Variants in CFAP20DC observed in about 807,000 individuals in gnomAD.
CFAP20DC encodes the protein CFAP20 domain containing.
CFAP20DC carries 84 observed loss-of-function variants against 101.7 expected under a neutral mutation model. The observed-to-expected ratio is 0.83, with a 90% CI of 0.69 to 0.99. CFAP20DC has a LOEUF of 0.99. Ranked by LOEUF, CFAP20DC falls within the 50% of genes least tolerant of loss-of-function variation. CFAP20DC has a pLI of 0.00. For missense variants in CFAP20DC, 1,007 were observed against 970.3 expected (o/e 1.04, Z -0.50); for synonymous variants, 359 against 351.2 (o/e 1.02, Z -0.25).
intron 4 of CFAP20DC, among the ~76,000 whole-genome samples, chr3:58,956,902 C>T (rs1246894415): frequency 6.6e-6 from 1 of 152,150 alleles, no homozygotes; most frequent in Non-Finnish European, 1.5e-5. Flanking sequence ...CGTGAGAACT[C>T]ACTATCACGA....
intron 15 of CFAP20DC, among the ~76,000 whole-genome samples, chr3:58,764,755 G>T (rs536369597): frequency 6.6e-6 from 1 of 152,194 alleles, no homozygotes; most frequent in East Asian, 1.9e-4. Flanking sequence ...CATCCTTTCA[G>T]TCAGGCCTTC....
chr3:59,042,935 T>G (rs373591207), intron 3 of CFAP20DC, among the ~76,000 whole-genome samples: 2 of 152,146 alleles, frequency 1.3e-5, no homozygotes, highest in Non-Finnish European at 1.5e-5. Flanking sequence ...TTAAAAGCTT[T>G]TTTTCTAAGC....
chr3:58,883,238 C>A (rs2081356603), intron 7 of CFAP20DC, among the ~76,000 whole-genome samples: 1 of 152,218 alleles, frequency 6.6e-6, no homozygotes, highest in Non-Finnish European at 1.5e-5. Context: ...TTTCCACTTT[C>A]AAAGCTACTG....
chr3:58,960,609 T>C (rs1356915344), intron 4 of CFAP20DC, among the ~76,000 whole-genome samples: 1 of 152,184 alleles, frequency 6.6e-6, no homozygotes, highest in Admixed American at 6.5e-5. Context: ...ATGCAATCAT[T>C]TCTGCATATA....
At chr3:58,877,145 A>G (rs562986004) in intron 7 of CFAP20DC, among the ~76,000 whole-genome samples, 119 of 152,292 alleles carry the variant, frequency 7.8e-4, no homozygotes, top group African/African-American at 2.7e-3. Flanking sequence ...AATAGTATTT[A>G]ACAGTTTAGT....
At chr3:58,877,549 A>T (rs1033696587) in intron 7 of CFAP20DC, among the ~76,000 whole-genome samples, 2 of 152,230 alleles carry the variant, frequency 1.3e-5, no homozygotes, top group African/African-American at 4.8e-5. Flanking sequence ...CTGCAGAAGA[A>T]GAAACTGAGG....
At chr3:58,808,759 C>T (rs1443907385) in intron 14 of CFAP20DC, among the ~76,000 whole-genome samples, 2 of 152,132 alleles carry the variant, frequency 1.3e-5, no homozygotes, top group African/African-American at 4.8e-5. Context: ...AATTAAAAGA[C>T]ACAGACTGGC....
chr3:58,767,596 G>C (rs1184186258), intron 15 of CFAP20DC, among the ~76,000 whole-genome samples: 1 of 152,124 alleles, frequency 6.6e-6, no homozygotes, highest in Non-Finnish European at 1.5e-5. Context: ...GTCTTGCTAT[G>C]TTTCCCAGCC....
chr3:58,768,890 A>G (rs564547593), intron 15 of CFAP20DC, among the ~76,000 whole-genome samples: 4 of 152,270 alleles, frequency 2.6e-5, no homozygotes, highest in Admixed American at 2.0e-4. Context: ...TTCTAAGTCT[A>G]CCACAAGTTC....
intron 4 of CFAP20DC, among the ~76,000 whole-genome samples, chr3:58,946,071 T>C (rs1010423929): frequency 6.6e-6 from 1 of 151,916 alleles, no homozygotes; most frequent in Non-Finnish European, 1.5e-5. Flanking sequence ...AGGTCATTTG[T>C]TGCTTGAAAT....
At chr3:58,733,035 A>T (rs371818792) in intron 3 of CFAP20DC, among the ~76,000 whole-genome samples, 124 of 152,318 alleles carry the variant, frequency 8.1e-4, no homozygotes, top group Middle Eastern at 3.4e-3. Flanking sequence ...GAAATTGTAT[A>T]AAATCTTGAT....
chr3:58,891,179 T>C (rs1294062825), intron 6 of CFAP20DC, among the ~76,000 whole-genome samples: 1 of 151,956 alleles, frequency 6.6e-6, no homozygotes, highest in Non-Finnish European at 1.5e-5. Flanking sequence ...TCCCGGCACC[T>C]TGGGAGGCCG....
At chr3:58,970,714 C>G (rs984880743) in intron 4 of CFAP20DC, 1 of 152,122 alleles carries the variant, frequency 6.6e-6, no homozygotes, top group Non-Finnish European at 1.5e-5. Context: ...TCAATTTCCT[C>G]CCCTATAAAT....
chr3:59,018,495 C>G (rs2093735052), intron 4 of CFAP20DC: 2 of 152,060 alleles, frequency 1.3e-5, no homozygotes, highest in Non-Finnish European at 2.9e-5. Context: ...TCATAAGCCT[C>G]CTGATAAACT....
In CFAP20DC at chr3:58,742,499, G is replaced by A. The variant is rs756811669; in HGVS notation, c.2406C>T (p.Tyr802=). The stretch of plus-strand genomic sequence containing the variant: ...AGTATTTCCCTGTTTGGGGGTCAAA[G>A]TAACAGTTCAGACAAGGGTCATACA... ...TLLYDPCLNC[Y]FDPQTGKYYE... is the part of the protein sequence containing the mutation. The change falls in exon 17 of 17, where the codon TAC becomes TAT. Residue 802 remains tyrosine (Y), a synonymous_variant. Transcript: ENST00000482387. 1.9e-6 allele frequency: 3 copies of A among 1,607,680 alleles called. No homozygotes were observed. The highest frequency in any genetic ancestry group is 2.2e-5 in the South Asian group (2 of 89,658).
chr3:58,870,335 T>C (rs748757191), intron 7 of CFAP20DC, 26 bp from the exon 8 acceptor site: 3 of 1,608,386 alleles, frequency 1.9e-6, no homozygotes, highest in Admixed American at 1.7e-5. Context: ...AAGGTAATAA[T>C]AGTCCATTAA....
intron 4 of CFAP20DC, chr3:59,018,014 A>T (rs2093725426): frequency 6.6e-6 from 1 of 152,150 alleles, no homozygotes; most frequent in African/African-American, 2.4e-5. Flanking sequence ...CATTCCTAAA[A>T]GAATAATGTG....
intron 16 of CFAP20DC, among the ~76,000 whole-genome samples, chr3:58,746,000 GA>G (rs1237602790): frequency 3.9e-5 from 6 of 152,172 alleles, no homozygotes; most frequent in African/African-American, 1.4e-4. Flanking sequence ...CATCATCATG[GA>G]AAACAGGATA....
rs9817881 is a variant in CFAP20DC, at chr3:59,002,422, C to T, written c.278+37135G>A. ...GCAAGCAAAGCAAGTAGAAGTATTT[C>T]TAAATGTGAAAACATCTACAAAACA... On this transcript the variant is annotated intron_variant, in intron 4 of 16. Transcript: ENST00000482387. This position sits in a 1 kb window ranked among gnomAD's most constrained non-coding sequence, Gnocchi z 4.5. 0.094 allele frequency among the ~76,000 whole-genome samples: 14,305 copies of T among 152,182 alleles called. 2,236 individuals carry two copies. The highest frequency in any genetic ancestry group is 0.32 in the African/African-American group (13,464 of 41,460).
Sources: allele counts gnomAD v4.1 joint callset (sites outside exome capture counted in the v4.1 genomes callset), GRCh38; gene constraint gnomAD v4.1.1; non-coding constraint Gnocchi (gnomAD v3.1); transcripts MANE v1.5; gene names NCBI Gene and HGNC (gene_info 2026-07-23, HGNC 2026-07-21).